The following ERICH3 variants were observed in gnomAD, a reference collection of about 807,000 sequenced individuals.
The protein encoded by ERICH3 is glutamate-rich protein 3.
In ERICH3, 126 loss-of-function variants were observed where a neutral mutation model predicts 131.1. The ratio of observed to expected loss-of-function variants is 0.96; its 90% CI spans 0.83 to 1.11. ERICH3 has a LOEUF of 1.11. ERICH3 is among the 50% of genes most tolerant of loss of function. ERICH3 has a pLI of 0.00. For missense variants in ERICH3, 2,050 were observed against 1,810.7 expected (o/e 1.13, Z -2.40); for synonymous variants, 695 against 644.6 (o/e 1.08, Z -1.18).
chr1:74,624,507 A>C, intron 7 of ERICH3: 1 of 149,878 alleles, frequency 6.7e-6, no homozygotes, highest in East Asian at 2.0e-4. Flanking sequence ...TAGTATAGTT[A>C]CTCTTTTCAT....
intron 11 of ERICH3, among the ~76,000 whole-genome samples, chr1:74,597,946 C>T (rs1647932735): frequency 6.6e-6 from 1 of 151,936 alleles, no homozygotes; most frequent in Admixed American, 6.6e-5. Flanking sequence ...TTCCAAACTC[C>T]TAACATCTAG....
rs148249687 is a variant in ERICH3 at position 74,594,603 on chromosome 1, C to G, written c.1727-4523G>C. 1.7e-4 allele frequency among the ~76,000 whole-genome samples: 26 copies of G among 152,186 alleles called. 1 individual carries two copies. In the East Asian group the frequency reaches 3.5e-3, roughly 20 times the overall value. ...TTCTACCTATAATACACACTCAAAA[C>G]AGAGATTGACTAATTATCCACCTCC... On this transcript the variant is annotated intron_variant, in intron 11 of 14. Coordinates refer to ENST00000326665, the MANE Select transcript of ERICH3 (RefSeq NM_001002912.5).
intron 7 of ERICH3, among the ~76,000 whole-genome samples, chr1:74,630,614 G>A (rs1646313263): frequency 6.6e-6 from 1 of 152,146 alleles, no homozygotes; most frequent in South Asian, 2.1e-4. Context: ...CTGCTCTATA[G>A]AGAACTTACT....
chr1:74,586,311 T>A, intron 12 of ERICH3: 2 of 807,092 alleles, frequency 2.5e-6, no homozygotes, highest in Non-Finnish European at 3.0e-6. Flanking sequence ...CATCTATACA[T>A]AAAAATAACA....
chr1:74,577,509 G>T (rs796908740), intron 12 of ERICH3: 2 of 152,058 alleles, frequency 1.3e-5, no homozygotes, highest in Non-Finnish European at 2.9e-5. Flanking sequence ...AATATCAAAA[G>T]GTATAAAAAC....
intron 11 of ERICH3, among the ~76,000 whole-genome samples, chr1:74,597,323 A>C (rs923192128): frequency 1.3e-5 from 2 of 152,052 alleles, no homozygotes; most frequent in East Asian, 1.9e-4. Flanking sequence ...GTAAAAAAAA[A>C]CCATAATCAG....
intron 9 of ERICH3, among the ~76,000 whole-genome samples, 190 bp downstream of exon 9, chr1:74,612,433 A>G: frequency 6.6e-6 from 1 of 152,198 alleles, no homozygotes; most frequent in East Asian, 1.9e-4. Flanking sequence ...ACACCTCTGT[A>G]AGTCTGATTT....
At chr1:74,608,797 C>G (rs1648520653) in intron 9 of ERICH3, among the ~76,000 whole-genome samples, 1 of 152,058 alleles carries the variant, frequency 6.6e-6, no homozygotes. Context: ...GTAAAGGTGT[C>G]ATGAATCTTC....
chr1:74,663,813 A>T (rs1202285878), intron 1 of ERICH3, among the ~76,000 whole-genome samples: 1 of 151,992 alleles, frequency 6.6e-6, no homozygotes, highest in Non-Finnish European at 1.5e-5. Context: ...ACTACTCATA[A>T]AATAAATAAT....
At chr1:74,639,486 A>C (rs1646419182) in intron 5 of ERICH3, among the ~76,000 whole-genome samples, 1 of 152,176 alleles carries the variant, frequency 6.6e-6, no homozygotes, top group African/African-American at 2.4e-5. Flanking sequence ...CCTTAAATTC[A>C]CTATATTTTA....
intron 1 of ERICH3, among the ~76,000 whole-genome samples, chr1:74,660,595 G>GTATATATA (rs35580326): frequency 1.4e-5 from 2 of 143,922 alleles, no homozygotes; most frequent in Non-Finnish European, 3.0e-5. Flanking sequence ...ACACACAAGT[G>GTATATATA]TATATATATA....
chr1:74,614,925 T>C (rs1324429189), intron 8 of ERICH3, among the ~76,000 whole-genome samples: 1 of 152,144 alleles, frequency 6.6e-6, no homozygotes, highest in Non-Finnish European at 1.5e-5. Context: ...GAAGCTTGAG[T>C]CTACATTCCT....
At chr1:74,634,676 T>C (rs1374007629) in intron 6 of ERICH3, 2 of 714,830 alleles carry the variant, frequency 2.8e-6, no homozygotes, top group African/African-American at 1.8e-5. Flanking sequence ...TTGGCAAGCA[T>C]GGAAAGCACC....
chr1:74,626,078 A>T (rs1422214867), intron 7 of ERICH3: 1 of 152,220 alleles, frequency 6.6e-6, no homozygotes, highest in Non-Finnish European at 1.5e-5. Context: ...TAAATAAAAT[A>T]TATTAAAGTC....
In ERICH3 at chr1:74,606,584, C is replaced by T. The variant is rs1350446108; in HGVS notation, c.1489+17G>A. On this transcript the variant is annotated intron_variant, in intron 10 of 14. Coordinates refer to ENST00000326665, the MANE Select transcript of ERICH3 (RefSeq NM_001002912.5). ...ACAGCCACAGCTACAACAAAAGAAA[C>T]TTGTGTTGTTGATTACCATATTTTA... The T allele has an allele frequency of 1.3e-6, 2 of 1,574,370 alleles. No homozygotes were observed. The highest frequency in any genetic ancestry group is 1.4e-5 in the African/African-American group (1 of 72,914).
At chr1:74,608,743 C>G (rs937948425) in intron 9 of ERICH3, among the ~76,000 whole-genome samples, 2 of 152,036 alleles carry the variant, frequency 1.3e-5, no homozygotes, top group Non-Finnish European at 2.9e-5. Context: ...ATAAATATTT[C>G]TTGACTATAA....
chr1:74,609,193 A>G (rs1008366982), intron 9 of ERICH3, among the ~76,000 whole-genome samples: 14 of 152,032 alleles, frequency 9.2e-5, no homozygotes, highest in African/African-American at 3.4e-4. Context: ...TATAATTGAG[A>G]GATGAGTACA....
Position 74,599,894 on chromosome 1 carries a change from T to G in ERICH3, c.1527A>C (p.Gln509His), listed in dbSNP as rs1557677477. The G allele has an allele frequency of 2.5e-6, 4 of 1,611,692 alleles. No homozygotes were observed. Among genetic ancestry groups the G allele is most frequent in the Non-Finnish European group, 3.4e-6 (4 of 1,178,660 alleles). ...GTCCTTCTTCATTAGATTTTTCACC[T>G]TGTTTCTCCTCATCTACTTCAAAGT... ...EEDFEVDEEK[Q>H]GEKSNEEGQA... is the part of the protein sequence containing the mutation. Residue 509 changes from glutamine to histidine, a missense_variant, in exon 11 of 15, where the codon CAA (glutamine) becomes CAC (histidine). Physicochemically the swap from Gln to His is conservative, Grantham distance 24. Transcript: ENST00000326665.
intron 3 of ERICH3, 23 bp downstream of exon 3, chr1:74,646,643 TA>T: frequency 1.7e-6 from 2 of 1,163,106 alleles, no homozygotes; most frequent in South Asian, 2.0e-5. Context: ...TAAAATAAAA[TA>T]AAAAATAAGT....
Sources: gnomAD v4.1 joint callset for allele counts (sites outside exome capture counted in the v4.1 genomes callset) on GRCh38, gnomAD v4.1.1 for gene constraint, MANE v1.5 for transcripts, NCBI Gene and HGNC (gene_info 2026-07-23, HGNC 2026-07-21) for gene names.